Variants in SYTL5 observed in about 807,000 individuals in gnomAD.
SYTL5 encodes synaptotagmin-like protein 5.
In SYTL5, 34 loss-of-function variants were observed where a neutral mutation model predicts 55.9. The observed-to-expected ratio is 0.61, with a 90% confidence interval of 0.46 to 0.81. SYTL5 has a LOEUF of 0.81. Ranked by LOEUF, SYTL5 falls within the 30% of genes least tolerant of loss-of-function variation. The pLI is 0.00. For missense variants in SYTL5, 637 were observed against 546.7 expected (o/e 1.17, Z -1.65); for synonymous variants, 221 against 188.7 (o/e 1.17, Z -1.40).
chrX:37,990,781 A>G, the SYTL5 span: 1 of 1,140,706 alleles, frequency 8.8e-7, no homozygotes, highest in Non-Finnish European at 1.2e-6. Context: ...GTGTCCTCAG[A>G]GACCTACTTG....
intron 1 of SYTL5, among the ~76,000 whole-genome samples, chrX:38,015,254 A>G (rs1934313911): frequency 8.9e-6 from 1 of 112,401 alleles, no homozygotes; most frequent in Non-Finnish European, 1.9e-5. Context: ...GTGATTAATT[A>G]CGACTTGAAT....
chrX:38,110,769 A>G (rs187704850), intron 13 of SYTL5, among the ~76,000 whole-genome samples: 2 of 111,984 alleles, frequency 1.8e-5, no homozygotes, highest in Admixed American at 9.5e-5. Context: ...AACACATTAT[A>G]TGATCTTATT....
chrX:38,047,572 C>T (rs772436148), intron 2 of SYTL5, among the ~76,000 whole-genome samples: 10 of 112,746 alleles, frequency 8.9e-5, no homozygotes, highest in East Asian at 5.6e-4. Flanking sequence ...GAGGGGTTGC[C>T]GCAAAGGTCT....
chrX:38,037,633 T>C (rs745658166), intron 2 of SYTL5, among the ~76,000 whole-genome samples: 6 of 111,555 alleles, frequency 5.4e-5, no homozygotes, highest in South Asian at 3.7e-4. Flanking sequence ...TTAAGCATCT[T>C]GGTCAGATAA....
chrX:37,898,788 C>T, the SYTL5 span, among the ~76,000 whole-genome samples: 1 of 111,853 alleles, frequency 8.9e-6, no homozygotes, highest in Admixed American at 9.5e-5. Flanking sequence ...TGTAGATTAT[C>T]TTATTTAAAC....
chrX:38,007,883 A>G (rs1462415661), intron 1 of SYTL5, among the ~76,000 whole-genome samples: 2 of 111,433 alleles, frequency 1.8e-5, no homozygotes, highest in African/African-American at 6.5e-5. Flanking sequence ...TGCTTTTTCT[A>G]TGTATTTATG....
intron 3 of SYTL5, among the ~76,000 whole-genome samples, chrX:38,070,665 A>G (rs1353385018): frequency 9.0e-6 from 1 of 111,469 alleles, no homozygotes; most frequent in Non-Finnish European, 1.9e-5. Flanking sequence ...CCAGTTTTCA[A>G]TAGAATTCTC....
intron 3 of SYTL5, among the ~76,000 whole-genome samples, chrX:38,071,223 G>A (rs1303751824): frequency 1.8e-5 from 2 of 111,565 alleles, no homozygotes; most frequent in Non-Finnish European, 3.8e-5. Context: ...ATAAGTAATG[G>A]GAGAAGTACA....
intron 1 of SYTL5, among the ~76,000 whole-genome samples, chrX:38,029,758 G>A (rs183631008): frequency 2.9e-5 from 2 of 68,386 alleles, no homozygotes; most frequent in African/African-American, 2.7e-4. Flanking sequence ...TACTTAAGTC[G>A]TGTACTAAAA....
chrX:37,943,734 A>T, the SYTL5 span, among the ~76,000 whole-genome samples: 1 of 111,514 alleles, frequency 9.0e-6, no homozygotes, highest in Non-Finnish European at 1.9e-5. Context: ...TAGAAGTCAG[A>T]TTCCTCGTTT....
the SYTL5 span, chrX:37,939,694 G>T: frequency 2.7e-5 from 3 of 112,503 alleles, no homozygotes; most frequent in Non-Finnish European, 5.6e-5. Context: ...TAAAAGGTAA[G>T]ATGTGCTACA....
Position 38,076,650 on chromosome X carries a change from A to C in SYTL5, c.638A>C (p.Asp213Ala), listed in dbSNP as rs774058182. 1 of 1,210,803 alleles carries C rather than the reference A, an allele frequency of 8.3e-7. No individual in the cohort carries two copies. The highest frequency in any genetic ancestry group is 1.8e-5 in the South Asian group (1 of 56,877). The change falls in exon 6 of 17, where the codon GAC (aspartate) becomes GCC (alanine). Residue 213 changes from aspartate to alanine, a missense_variant. Asp to Ala is a moderately radical substitution (Grantham distance 126, BLOSUM62 -2). Transcript: ENST00000297875. ...GACACTGGGCGGAGCTATAGCTTGG[A>C]CTTAGACGGTCAACATTTTCGGAGT... ...KTDTGRSYSL[D>A]LDGQHFRSLK...
At chrX:37,939,022 C>G in the SYTL5 span, among the ~76,000 whole-genome samples, 1 of 110,888 alleles carries the variant, frequency 9.0e-6, no homozygotes. Context: ...CTTTGGGAGG[C>G]CGAGGCAGGC....
chrX:38,060,760 A>G (rs750016064), intron 3 of SYTL5, among the ~76,000 whole-genome samples: 14 of 112,532 alleles, frequency 1.2e-4, no homozygotes, highest in African/African-American at 4.5e-4. Context: ...AAGATGTAAC[A>G]TAAGTTGTTG....
chrX:37,916,971 C>T, the SYTL5 span, among the ~76,000 whole-genome samples: 1 of 111,375 alleles, frequency 9.0e-6, no homozygotes, highest in Non-Finnish European at 1.9e-5. Context: ...TTCAGATTTT[C>T]TTTGTTTATG....
chrX:38,122,264 G>A (rs754583389), intron 15 of SYTL5, 49 bp downstream of exon 15: 12 of 1,126,601 alleles, frequency 1.1e-5, no homozygotes, highest in African/African-American at 1.8e-5. Flanking sequence ...GGAGATGAAA[G>A]GATCTGTGAT....
intron 7 of SYTL5, among the ~76,000 whole-genome samples, chrX:38,092,177 A>G (rs753344482): frequency 5.7e-4 from 64 of 112,366 alleles, no homozygotes; most frequent in African/African-American, 2.0e-3. Context: ...CTTTGTTTCA[A>G]TGTTCTTTTC....
the SYTL5 span, chrX:37,994,297 C>G: frequency 8.9e-6 from 1 of 112,434 alleles, no homozygotes; most frequent in Admixed American, 9.4e-5. Context: ...CTCAGGCCAG[C>G]AGGAAAATCA....
the SYTL5 span, among the ~76,000 whole-genome samples, chrX:37,966,044 C>G: frequency 8.9e-6 from 1 of 112,131 alleles, no homozygotes; most frequent in Non-Finnish European, 1.9e-5. Context: ...TATTTTTTTA[C>G]CCATTCAGCC....
Sources: allele counts gnomAD v4.1 joint callset (sites outside exome capture counted in the v4.1 genomes callset), GRCh38; gene constraint gnomAD v4.1.1; transcripts MANE v1.5; gene names NCBI Gene and HGNC (gene_info 2026-07-23, HGNC 2026-07-21).